Variants in ZNF184 observed in about 807,000 individuals in gnomAD.
ZNF184 encodes zinc finger protein 184.
In ZNF184, 16 loss-of-function variants were observed where a neutral mutation model predicts 54.4. The ratio of observed to expected loss-of-function variants is 0.29; its 90% CI spans 0.20 to 0.45. The LOEUF (loss-of-function observed/expected upper bound fraction) is 0.45. Among genes scored for constraint, ZNF184 ranks in the 20% least tolerant of loss-of-function variants. The pLI, the probability that ZNF184 is intolerant of heterozygous loss-of-function variation, is 1.00. For synonymous variants in ZNF184, 254 were observed against 295.3 expected (o/e 0.86, Z 1.43); for missense variants, 681 against 888.2 (o/e 0.77, Z 2.97).
chr6:27,444,379 A>G, the ZNF184 span, among the ~76,000 whole-genome samples: 1 of 151,842 alleles, frequency 6.6e-6, no homozygotes, highest in Non-Finnish European at 1.5e-5. Flanking sequence ...CTTCCTCAGA[A>G]ACTCCAACCT....
At chr6:27,462,239 G>A (rs372011434) in intron 3 of ZNF184, among the ~76,000 whole-genome samples, 6 of 151,434 alleles carry the variant, frequency 4.0e-5, no homozygotes, top group Middle Eastern at 3.2e-3. Context: ...TCTCTGTTGC[G>A]CAGCCTGGAG....
the ZNF184 span, among the ~76,000 whole-genome samples, chr6:27,419,172 C>T: frequency 6.6e-6 from 1 of 152,140 alleles, no homozygotes; most frequent in African/African-American, 2.4e-5. The surrounding 1 kb of genome is among the most constrained non-coding windows in gnomAD (Gnocchi z 4.8). Flanking sequence ...GGCACAATCT[C>T]GGCTCACTGC....
At chr6:27,445,671 A>G in the ZNF184 span, among the ~76,000 whole-genome samples, 1 of 147,452 alleles carries the variant, frequency 6.8e-6, no homozygotes, top group Non-Finnish European at 1.5e-5. Context: ...CATGAGCCAA[A>G]TAAACTTCTA....
the ZNF184 span, among the ~76,000 whole-genome samples, chr6:27,424,029 C>T: frequency 6.6e-6 from 1 of 152,152 alleles, no homozygotes; most frequent in African/African-American, 2.4e-5. Context: ...AAGCCACGAA[C>T]CCTCGCGGTG....
chr6:27,407,502 C>T, the ZNF184 span, among the ~76,000 whole-genome samples: 5 of 152,214 alleles, frequency 3.3e-5, no homozygotes, highest in South Asian at 2.1e-4. Context: ...TGGGCAGCAG[C>T]GCCTGCACAA....
the ZNF184 span, among the ~76,000 whole-genome samples, chr6:27,433,061 C>T: frequency 6.6e-6 from 1 of 152,192 alleles, no homozygotes; most frequent in East Asian, 1.9e-4. Context: ...TGACTTCAAC[C>T]CCAGCCTTCA....
At chr6:27,463,457 A>G (rs1025768915) in intron 3 of ZNF184, among the ~76,000 whole-genome samples, 1 of 151,982 alleles carries the variant, frequency 6.6e-6, no homozygotes, top group Non-Finnish European at 1.5e-5. Flanking sequence ...AAATAATTTT[A>G]AAAAAAGAGC....
At chr6:27,464,511 T>G (rs370707843) in intron 3 of ZNF184, among the ~76,000 whole-genome samples, 1 of 150,122 alleles carries the variant, frequency 6.7e-6, no homozygotes, top group African/African-American at 2.5e-5. Context: ...GGAGATAAAA[T>G]AGAATCATAA....
the ZNF184 span, among the ~76,000 whole-genome samples, chr6:27,410,679 G>C: frequency 6.6e-6 from 1 of 151,996 alleles, no homozygotes; most frequent in Non-Finnish European, 1.5e-5. Context: ...CCACAGGTGC[G>C]CACCACCACG....
In ZNF184 at chr6:27,472,425, T is replaced by C. The variant is rs1330014514; in HGVS notation, c.-131A>G. On this transcript the variant is annotated 5_prime_UTR_variant, in exon 2 of 6. Coordinates refer to ENST00000683788, the MANE Select transcript of ZNF184 (RefSeq NM_001318891.2). The surrounding 1 kb of genome is among the most constrained non-coding windows in gnomAD (Gnocchi z 4.8). The stretch of plus-strand genomic sequence containing the variant: ...GCAGGGAATCTGCAACACGCTGAGG[T>C]TGTCTACCCTAAAAGACACAGGATG... 3.5e-6 allele frequency: 4 copies of C among 1,151,868 alleles called. No homozygotes were observed. Among genetic ancestry groups the C allele is most frequent in the Non-Finnish European group, 5.1e-6 (4 of 786,892 alleles). 71.4% of individuals were successfully genotyped at this position (1,151,868 alleles called of 1,614,324 possible). A position where few individuals can be genotyped will look rare whatever the true frequency, so the allele number is the denominator to read the frequency against.
At chr6:27,429,240 A>G in the ZNF184 span, among the ~76,000 whole-genome samples, 1 of 152,230 alleles carries the variant, frequency 6.6e-6, no homozygotes, top group Non-Finnish European at 1.5e-5. Flanking sequence ...CTCTGTCTCC[A>G]CAATTACACA....
Position 27,451,936 on chromosome 6 carries a change from C to T in ZNF184, c.1623G>A (p.Arg541=). 1 of 1,612,850 alleles carries T rather than the reference C, an allele frequency of 6.2e-7. No homozygotes were observed. Among genetic ancestry groups the T allele is most frequent in the Non-Finnish European group, 8.5e-7 (1 of 1,179,964 alleles). The part of the protein sequence containing the change: ...ECKECGKAFI[R]SSSLAKHERI... ...TTTCATGCTTAGCAAGAGATGAACT[C>T]CGAATAAAAGCTTTCCCACATTCTT... Residue 541 remains arginine, a synonymous_variant, in exon 6 of 6, where the codon CGG becomes CGA. Coordinates refer to ENST00000683788, the MANE Select transcript of ZNF184 (RefSeq NM_001318891.2).
chr6:27,446,185 A>G (rs997110132), downstream of ZNF184, among the ~76,000 whole-genome samples: 2 of 152,206 alleles, frequency 1.3e-5, no homozygotes, highest in Non-Finnish European at 2.9e-5. Context: ...ACAATGGGAG[A>G]CAGACCATAA....
the ZNF184 span, among the ~76,000 whole-genome samples, chr6:27,425,623 T>C: frequency 9.2e-5 from 14 of 152,218 alleles, no homozygotes; most frequent in Non-Finnish European, 1.9e-4. Context: ...TGAAATTTTC[T>C]GCAATAAACT....
chr6:27,467,934 C>A lies in ZNF184; in HGVS notation c.8-14G>T, dbSNP rs1367301345. On this transcript the variant is annotated splice_polypyrimidine_tract_variant and intron_variant, in intron 2 of 5. Coordinates refer to ENST00000683788, the MANE Select transcript of ZNF184 (RefSeq NM_001318891.2). ...GAGAGGACAGATCTAGGGGGAGAAG[C>A]AGGAGCCATATGACTTCTGTTCAAT... 11 of 1,576,652 alleles carry A rather than the reference C, an allele frequency of 7.0e-6. No homozygotes were observed. The highest frequency in any genetic ancestry group is 9.5e-6 in the Non-Finnish European group (11 of 1,160,426).
chr6:27,407,815 T>C, the ZNF184 span: 1 of 779,582 alleles, frequency 1.3e-6, no homozygotes. Flanking sequence ...GGCAATTATT[T>C]GCTTGATGGT....
chr6:27,422,400 C>G, the ZNF184 span, among the ~76,000 whole-genome samples: 2 of 151,852 alleles, frequency 1.3e-5, no homozygotes, highest in Non-Finnish European at 2.9e-5. Flanking sequence ...GTCTGTTTTT[C>G]GCTTTTTTGC....
At chr6:27,460,075 G>T (rs1762959280) in intron 3 of ZNF184, among the ~76,000 whole-genome samples, 1 of 152,192 alleles carries the variant, frequency 6.6e-6, no homozygotes, top group African/African-American at 2.4e-5. Context: ...GCTGAGGTGG[G>T]AGGATTGCTT....
At chr6:27,414,006 A>G in the ZNF184 span, among the ~76,000 whole-genome samples, 3 of 152,308 alleles carry the variant, frequency 2.0e-5, no homozygotes, top group Middle Eastern at 3.4e-3. Context: ...CTTGTTCACT[A>G]TGCATCTTCT....
Sources: allele counts gnomAD v4.1 joint callset (sites outside exome capture counted in the v4.1 genomes callset), GRCh38; gene constraint gnomAD v4.1.1; non-coding constraint Gnocchi (gnomAD v3.1); transcripts MANE v1.5; gene names NCBI Gene and HGNC (gene_info 2026-07-23, HGNC 2026-07-21).